The following PTPRM variants were observed in gnomAD, a reference collection of about 807,000 sequenced individuals.
PTPRM encodes the protein receptor-type tyrosine-protein phosphatase mu.
A neutral mutation model predicts 186.7 loss-of-function variants in PTPRM; 47 were observed. The observed-to-expected ratio is 0.25, with a 90% CI of 0.20 to 0.32. The LOEUF (loss-of-function observed/expected upper bound fraction) is 0.32. Among genes scored for constraint, PTPRM ranks in the 10% least tolerant of loss-of-function variants. PTPRM has a pLI of 1.00. For synonymous variants in PTPRM, 668 were observed against 674.9 expected (o/e 0.99, Z 0.16); for missense variants, 1,494 against 1,865.0 (o/e 0.80, Z 3.66).
chr18:8,024,390 CT>C (rs931661323), intron 7 of PTPRM, among the ~76,000 whole-genome samples: 2 of 152,168 alleles, frequency 1.3e-5, no homozygotes, highest in African/African-American at 4.8e-5. Flanking sequence ...TGCCCCATGG[CT>C]GTGGGTGTTT....
At chr18:8,031,816 G>A (rs561334224) in intron 7 of PTPRM, among the ~76,000 whole-genome samples, 19 of 152,270 alleles carry the variant, frequency 1.2e-4, no homozygotes, top group African/African-American at 4.6e-4. Flanking sequence ...AGTCAAGCTT[G>A]GCCTCATTCA....
At chr18:7,732,020 T>G (rs1044152523) in intron 1 of PTPRM, among the ~76,000 whole-genome samples, 3 of 152,194 alleles carry the variant, frequency 2.0e-5, no homozygotes, top group African/African-American at 7.2e-5. Context: ...TCTAACGTCT[T>G]GATAGAAATT....
rs200002736 is a variant in PTPRM at position 8,260,625 on chromosome 18, C to G, written c.2754+7211C>G. On this transcript the variant is annotated intron_variant, in intron 19 of 32. Transcript: ENST00000580170. ...CTCCCAACACTGCCACACCAGGGACCAGATTTCAACATGAGTTTTGATGGG... is the reference window on the plus strand; with the variant it reads ...CTCCCAACACTGCCACACCAGGGACGAGATTTCAACATGAGTTTTGATGGG... Among the ~76,000 whole-genome samples, 30 of 152,304 alleles carry G rather than the reference C, an allele frequency of 2.0e-4. No homozygotes were observed. The East Asian group carries it at 4.8e-3, about 25-fold the overall frequency.
chr18:8,026,276 G>A, intron 7 of PTPRM, among the ~76,000 whole-genome samples: 1 of 152,108 alleles, frequency 6.6e-6, no homozygotes, highest in East Asian at 1.9e-4. Flanking sequence ...GGAAGCAGGT[G>A]GTATCAAACA....
chr18:8,354,249 T>C (rs2095552015), intron 23 of PTPRM, among the ~76,000 whole-genome samples: 1 of 148,388 alleles, frequency 6.7e-6, no homozygotes, highest in Non-Finnish European at 1.5e-5. Context: ...TGATAACCAC[T>C]GCAACAGAAC....
chr18:7,595,249 A>G (rs1350997256), intron 1 of PTPRM, among the ~76,000 whole-genome samples: 1 of 152,170 alleles, frequency 6.6e-6, no homozygotes, highest in Non-Finnish European at 1.5e-5. Flanking sequence ...AGTATTTTGG[A>G]ACAGGTATTG....
chr18:8,005,439 C>G (rs914479989), intron 7 of PTPRM, among the ~76,000 whole-genome samples: 3 of 152,186 alleles, frequency 2.0e-5, no homozygotes, highest in Non-Finnish European at 4.4e-5. Flanking sequence ...CACTTTGATA[C>G]ACACCTTTAT....
At chr18:7,580,065 A>G (rs1238918293) in intron 1 of PTPRM, among the ~76,000 whole-genome samples, 1 of 152,222 alleles carries the variant, frequency 6.6e-6, no homozygotes, top group Admixed American at 6.5e-5. Flanking sequence ...GACATCTCTA[A>G]CTAGCTGTCA....
chr18:7,855,740 T>C (rs1217429639), intron 2 of PTPRM, among the ~76,000 whole-genome samples: 1 of 152,148 alleles, frequency 6.6e-6, no homozygotes, highest in Non-Finnish European at 1.5e-5. Flanking sequence ...AATGGAAAAA[T>C]AGAGCCCTCC....
intron 4 of PTPRM, among the ~76,000 whole-genome samples, chr18:7,921,948 A>G (rs888625696): frequency 2.6e-5 from 4 of 152,110 alleles, no homozygotes; most frequent in African/African-American, 4.8e-5. Flanking sequence ...ATGTATGTCT[A>G]TGTCTTTGCA....
At chr18:7,757,545 C>A (rs1003602925) in intron 1 of PTPRM, among the ~76,000 whole-genome samples, 13 of 152,182 alleles carry the variant, frequency 8.5e-5, no homozygotes, top group African/African-American at 3.1e-4. Flanking sequence ...CAGCCAGCAG[C>A]AGGTGGGCGT....
intron 19 of PTPRM, among the ~76,000 whole-genome samples, chr18:8,255,478 A>G (rs2094566137): frequency 6.6e-6 from 1 of 152,236 alleles, no homozygotes. Flanking sequence ...GAACCATATT[A>G]TGACTGACAA....
At chr18:7,579,769 A>G (rs907496830) in intron 1 of PTPRM, among the ~76,000 whole-genome samples, 3 of 152,200 alleles carry the variant, frequency 2.0e-5, no homozygotes, top group African/African-American at 7.2e-5. Flanking sequence ...ATGATCTGCA[A>G]AGTATTTTGG....
intron 2 of PTPRM, among the ~76,000 whole-genome samples, chr18:7,860,252 T>C (rs899684849): frequency 7.9e-5 from 12 of 152,052 alleles, no homozygotes; most frequent in Non-Finnish European, 1.5e-4. Context: ...TTTGTATTTT[T>C]AGTAGAGACG....
intron 4 of PTPRM, among the ~76,000 whole-genome samples, chr18:7,925,599 C>T (rs1002134336): frequency 1.3e-5 from 2 of 152,208 alleles, no homozygotes; most frequent in African/African-American, 2.4e-5. Context: ...GCTGGCAAGG[C>T]GTGACAGATG....
intron 2 of PTPRM, among the ~76,000 whole-genome samples, chr18:7,848,686 C>A (rs1043013138): frequency 3.9e-5 from 6 of 151,994 alleles, no homozygotes; most frequent in African/African-American, 1.5e-4. Flanking sequence ...TTGCTTGAGT[C>A]CGAGAGTTTA....
intron 28 of PTPRM, 115 bp from the exon 29 acceptor site, chr18:8,380,181 C>CTGTTAAACA: frequency 9.9e-6 from 11 of 1,105,782 alleles, no homozygotes; most frequent in Non-Finnish European, 1.4e-5. Flanking sequence ...AATTCAACAG[C>CTGTTAAACA]TGTTAAACAT....
intron 9 of PTPRM, among the ~76,000 whole-genome samples, chr18:8,082,531 C>T (rs1173552780): frequency 6.7e-6 from 1 of 148,856 alleles, no homozygotes; most frequent in Non-Finnish European, 1.5e-5. Context: ...CCCTCCCTCC[C>T]TCTCTCCCCT....
intron 27 of PTPRM, 138 bp downstream of exon 27, chr18:8,378,552 C>G (rs2095710789): frequency 9.5e-7 from 1 of 1,051,616 alleles, no homozygotes. Flanking sequence ...GGCTGGGTAA[C>G]CCAGAGCTCT....
Sources: allele counts gnomAD v4.1 joint callset (sites outside exome capture counted in the v4.1 genomes callset), GRCh38; gene constraint gnomAD v4.1.1; transcripts MANE v1.5; gene names NCBI Gene and HGNC (gene_info 2026-07-23, HGNC 2026-07-21).